Variants in UST observed in about 807,000 individuals in gnomAD.
The protein encoded by UST is chondroitin sulfate 2-O-sulfotransferase.
A neutral mutation model predicts 45.6 loss-of-function variants in UST; 21 were observed. That is an observed-to-expected ratio of 0.46 (90% CI 0.33 to 0.66). The LOEUF is 0.66. UST is among the 30% of genes least tolerant of loss of function. The pLI is 0.02. For synonymous variants in UST, 215 were observed against 200.6 expected (o/e 1.07, Z -0.61); for missense variants, 463 against 512.4 (o/e 0.90, Z 0.93).
intron 1 of UST, among the ~76,000 whole-genome samples, chr6:148,867,953 C>T (rs1350874566): frequency 1.3e-5 from 2 of 152,136 alleles, no homozygotes; most frequent in Non-Finnish European, 2.9e-5. Flanking sequence ...GTTGGAAGAT[C>T]ATCCTGTGCC....
At chr6:149,000,715 A>G (rs1458608405) in intron 5 of UST, among the ~76,000 whole-genome samples, 1 of 152,262 alleles carries the variant, frequency 6.6e-6, no homozygotes, top group Non-Finnish European at 1.5e-5. Flanking sequence ...AATAGCTTCC[A>G]TTTAAAAAGA....
At chr6:148,785,664 C>T (rs4897048) in intron 1 of UST, among the ~76,000 whole-genome samples, 114,582 of 152,058 alleles carry the variant, frequency 0.75, 43,211 homozygotes, top group Middle Eastern at 0.88. Context: ...GTATTCTTAA[C>T]ATCAAAGCTT....
intron 1 of UST, among the ~76,000 whole-genome samples, chr6:148,770,659 A>C (rs1776407824): frequency 6.6e-6 from 1 of 152,322 alleles, no homozygotes; most frequent in South Asian, 2.1e-4. Context: ...TCATATTTGA[A>C]CAGTGCTTTA....
intron 1 of UST, among the ~76,000 whole-genome samples, chr6:148,800,295 C>T (rs920458526): frequency 2.6e-5 from 4 of 152,144 alleles, no homozygotes; most frequent in Admixed American, 6.5e-5. Context: ...TGCAAATTAC[C>T]GAACACAGGG....
rs370335255 is a variant in UST, at chr6:148,941,238, A to C, written c.292-41A>C. The C allele has an allele frequency of 3.1e-6, 5 of 1,609,480 alleles. No homozygotes were observed. In the East Asian group the frequency reaches 6.7e-5, roughly 22 times the overall value. ...TGAGGGAAGAATCCTAAGTATTTCC[A>C]TACAGACGTTTCATGTTTGTTCTCT... On this transcript the variant is annotated intron_variant, in intron 2 of 7. Coordinates refer to ENST00000367463, the MANE Select transcript of UST (RefSeq NM_005715.3).
At chr6:149,031,064 A>G (rs1274844825) in intron 7 of UST, among the ~76,000 whole-genome samples, 1 of 152,108 alleles carries the variant, frequency 6.6e-6, no homozygotes, top group African/African-American at 2.4e-5. Context: ...AAAATTAGCC[A>G]GGCATGGCAA....
intron 5 of UST, among the ~76,000 whole-genome samples, chr6:148,998,802 C>G (rs1305829778): frequency 6.6e-6 from 1 of 152,256 alleles, no homozygotes; most frequent in Non-Finnish European, 1.5e-5. Context: ...CCCTTATAGG[C>G]CGAGGCTGCT....
chr6:149,054,544 T>G (rs1186537728), intron 7 of UST, among the ~76,000 whole-genome samples: 2 of 152,164 alleles, frequency 1.3e-5, no homozygotes, highest in Non-Finnish European at 2.9e-5. Context: ...GGAAAACTAA[T>G]GACTTTATAC....
chr6:148,955,059 CCT>C (rs1780457775), intron 4 of UST, among the ~76,000 whole-genome samples: 1 of 152,228 alleles, frequency 6.6e-6, no homozygotes, highest in African/African-American at 2.4e-5. Context: ...TGGAGACCAG[CCT>C]GGGAACCTCC....
At chr6:148,884,025 C>T (rs566333310) in intron 1 of UST, among the ~76,000 whole-genome samples, 5 of 151,392 alleles carry the variant, frequency 3.3e-5, no homozygotes, top group African/African-American at 7.3e-5. Context: ...CCCAGCTGCT[C>T]GGGAGGCTGA....
chr6:148,775,643 G>GGA (rs111924236), intron 1 of UST, among the ~76,000 whole-genome samples: 12 of 150,626 alleles, frequency 8.0e-5, no homozygotes, highest in Middle Eastern at 3.4e-3. Flanking sequence ...TTTTTTTGGG[G>GGA]CGGGGAGAGA....
In UST at chr6:148,771,090, G is replaced by C. The variant is rs151252023; in HGVS notation, c.247+23413G>C. Among the ~76,000 whole-genome samples the C allele has an allele frequency of 1.1e-3, 163 of 152,204 alleles. 2 individuals are homozygous for C. The highest frequency in any genetic ancestry group is 3.4e-3 in the Middle Eastern group (1 of 294). On this transcript the variant is annotated intron_variant, in intron 1 of 7. Coordinates refer to ENST00000367463, the MANE Select transcript of UST (RefSeq NM_005715.3). ...TACAAGCTGATGGTTTGTTTTTTCTGATTAGCTAAAATGGAAAGAAAAATC... is the reference window on the plus strand; with the variant it reads ...TACAAGCTGATGGTTTGTTTTTTCTCATTAGCTAAAATGGAAAGAAAAATC...
In UST at chr6:149,043,007, CTTTCTTTCTTTCTT is replaced by C. The variant is rs1406047907; in HGVS notation, c.937+21542_937+21555del. ...TCTTTCTTTCTTTCTTTCTTTCTTT[CTTTCTTTCTTTCTT>C]TTTCTTTCTTTCTTTCTTTCTTTCC... On this transcript the variant is annotated intron_variant, in intron 7 of 7. Transcript: ENST00000367463. 1.6e-4 allele frequency among the ~76,000 whole-genome samples: 18 copies of C among 112,398 alleles called. No individual in the cohort carries two copies. The East Asian group carries it at 2.5e-3, about 15-fold the overall frequency. 73.7% of individuals were successfully genotyped at this position (112,398 alleles called of 152,430 possible). A position where few individuals can be genotyped will look rare whatever the true frequency, so the allele number is the denominator to read the frequency against.
intron 6 of UST, among the ~76,000 whole-genome samples, chr6:149,020,114 C>T (rs1283507557): frequency 3.3e-5 from 5 of 152,210 alleles, no homozygotes; most frequent in African/African-American, 9.7e-5. Context: ...ACTGCTACTT[C>T]TACACCGGCA....
At chr6:149,019,028 T>C (rs975565612) in intron 5 of UST, 111 bp from the exon 6 acceptor site, 1 of 857,026 alleles carries the variant, frequency 1.2e-6, no homozygotes, top group African/African-American at 1.7e-5. Flanking sequence ...CTCTTCATCT[T>C]CTCAAGGCGT....
intron 1 of UST, among the ~76,000 whole-genome samples, chr6:148,861,028 A>G (rs566155805): frequency 6.6e-6 from 1 of 152,168 alleles, no homozygotes; most frequent in African/African-American, 2.4e-5. Flanking sequence ...GTTAGGGAGG[A>G]TTCCCTCTTT....
chr6:148,766,858 TG>T (rs1319767008), intron 1 of UST, among the ~76,000 whole-genome samples: 10 of 152,242 alleles, frequency 6.6e-5, no homozygotes, highest in Non-Finnish European at 2.9e-5. Context: ...CGGAGAGTTT[TG>T]TTTGTGCAGT....
At chr6:149,042,176 AT>A (rs1301726529) in intron 7 of UST, among the ~76,000 whole-genome samples, 3 of 152,210 alleles carry the variant, frequency 2.0e-5, no homozygotes, top group Non-Finnish European at 4.4e-5. Flanking sequence ...AAGTTTGTAT[AT>A]GACGTCACTA....
intron 1 of UST, among the ~76,000 whole-genome samples, chr6:148,819,325 C>T (rs1777412931): frequency 6.6e-6 from 1 of 152,154 alleles, no homozygotes; most frequent in Non-Finnish European, 1.5e-5. Context: ...TATGCTTTCT[C>T]ATTACTCAGT....
Sources: gnomAD v4.1 joint callset for allele counts (sites outside exome capture counted in the v4.1 genomes callset) on GRCh38, gnomAD v4.1.1 for gene constraint, MANE v1.5 for transcripts, NCBI Gene and HGNC (gene_info 2026-07-23, HGNC 2026-07-21) for gene names.